The following RUNX1T1 variants were observed in gnomAD, a reference collection of about 807,000 sequenced individuals.
RUNX1T1 encodes the protein protein CBFA2T1.
Under a neutral mutation model 62.8 loss-of-function variants are expected in RUNX1T1, and 4 were observed. That is an observed-to-expected ratio of 0.06 (90% CI 0.03 to 0.15). The LOEUF (loss-of-function observed/expected upper bound fraction) is 0.15. Ranked by LOEUF, RUNX1T1 falls within the 10% of genes least tolerant of loss-of-function variation. RUNX1T1 has a pLI of 1.00. For synonymous variants in RUNX1T1, 291 were observed against 286.0 expected (o/e 1.02, Z -0.18); for missense variants, 508 against 754.3 (o/e 0.67, Z 3.82).
chr8:92,099,553 C>T, intron 1 of RUNX1T1: 2 of 856,706 alleles, frequency 2.3e-6, no homozygotes, highest in Non-Finnish European at 2.8e-6. Flanking sequence ...AATAAATAGC[C>T]TTTCTCACTG....
At chr8:91,993,722 T>C (rs543110300) in intron 5 of RUNX1T1, among the ~76,000 whole-genome samples, 1 of 152,244 alleles carries the variant, frequency 6.6e-6, no homozygotes, top group East Asian at 1.9e-4. Context: ...CCAGGTGCAG[T>C]GACTCACACC....
chr8:92,039,676 A>G (rs572000184), intron 1 of RUNX1T1, among the ~76,000 whole-genome samples: 10 of 152,326 alleles, frequency 6.6e-5, no homozygotes, highest in African/African-American at 2.4e-4. Flanking sequence ...TTAACATTTC[A>G]AAGTGAACTC....
chr8:92,062,576 G>A (rs1232012399), exon 1 of RUNX1T1: 1 of 1,614,048 alleles, frequency 6.2e-7, no homozygotes, highest in Admixed American at 1.7e-5. Context: ...GTACCACACA[G>A]AAAGTGGCTG....
intron 1 of RUNX1T1, among the ~76,000 whole-genome samples, chr8:92,055,313 C>T (rs1388718434): frequency 1.3e-5 from 2 of 152,156 alleles, no homozygotes; most frequent in African/African-American, 4.8e-5. Flanking sequence ...ACAATGTCAA[C>T]AACAGGTAAC....
At chr8:92,047,777 A>G (rs1829635980) in intron 1 of RUNX1T1, among the ~76,000 whole-genome samples, 1 of 151,798 alleles carries the variant, frequency 6.6e-6, no homozygotes, top group African/African-American at 2.4e-5. Context: ...GATACAAAGG[A>G]AGAAAAGACA....
At chr8:92,032,350 G>A (rs756374338) in intron 1 of RUNX1T1, among the ~76,000 whole-genome samples, 15 of 151,860 alleles carry the variant, frequency 9.9e-5, no homozygotes, top group Non-Finnish European at 7.4e-5. Context: ...AAATAAACCC[G>A]TCTCATGCCA....
chr8:92,098,586 T>C (rs921825340), intron 1 of RUNX1T1, among the ~76,000 whole-genome samples: 1 of 152,214 alleles, frequency 6.6e-6, no homozygotes, highest in Non-Finnish European at 1.5e-5. Flanking sequence ...GTCTTTTTTT[T>C]AATATCAAAG....
intron 2 of RUNX1T1, 111 bp downstream of exon 2, chr8:92,075,854 A>G (rs934064310): frequency 4.1e-6 from 4 of 981,042 alleles, no homozygotes; most frequent in Non-Finnish European, 5.9e-6. Flanking sequence ...CAGGCACTAG[A>G]AGAAGGAAGA....
chr8:92,095,809 C>T (rs1837700637), intron 1 of RUNX1T1, among the ~76,000 whole-genome samples: 1 of 152,108 alleles, frequency 6.6e-6, no homozygotes, highest in African/African-American at 2.4e-5. Flanking sequence ...TCTGCCCCTA[C>T]CACCCAAAGA....
intron 4 of RUNX1T1, among the ~76,000 whole-genome samples, chr8:92,007,554 C>T (rs1448770178): frequency 3.3e-5 from 5 of 151,980 alleles, no homozygotes; most frequent in South Asian, 2.1e-4. Context: ...TACATGATTT[C>T]GTCACGCAAA....
chr8:91,967,139 C>T (rs763604533), intron 10 of RUNX1T1, among the ~76,000 whole-genome samples: 10 of 152,082 alleles, frequency 6.6e-5, no homozygotes, highest in Admixed American at 1.3e-4. Flanking sequence ...GAGAAGTAAA[C>T]GAGCTAAAGT....
chr8:91,970,138 G>C (rs545605783), intron 10 of RUNX1T1, among the ~76,000 whole-genome samples: 1 of 151,772 alleles, frequency 6.6e-6, no homozygotes. Flanking sequence ...ACCATCATAT[G>C]GGTTACCACA....
At chr8:92,017,396 C>T (rs778830579) in intron 1 of RUNX1T1, 33 bp from the exon 3 acceptor site, 17 of 1,613,846 alleles carry the variant, frequency 1.1e-5, no homozygotes, top group Non-Finnish European at 1.4e-5. Context: ...TATTATTTTA[C>T]TCCTTAAGCA....
At chr8:92,053,617 T>C (rs1830565709) in intron 1 of RUNX1T1, among the ~76,000 whole-genome samples, 1 of 152,210 alleles carries the variant, frequency 6.6e-6, no homozygotes, top group Admixed American at 6.5e-5. Flanking sequence ...TATATGTATT[T>C]TCCTTAACTC....
upstream of RUNX1T1, chr8:92,103,137 C>G: frequency 2.6e-6 from 1 of 389,266 alleles, no homozygotes. Context: ...CCACGCAGAG[C>G]CCAAGACTTG....
chr8:91,980,614 T>A (rs905953874), intron 8 of RUNX1T1, among the ~76,000 whole-genome samples: 1 of 152,208 alleles, frequency 6.6e-6, no homozygotes, highest in Non-Finnish European at 1.5e-5. Context: ...AAGGAAAAAC[T>A]TTACTAGTTT....
intron 1 of RUNX1T1, among the ~76,000 whole-genome samples, chr8:92,080,173 A>G (rs1835026537): frequency 6.6e-6 from 1 of 152,122 alleles, no homozygotes; most frequent in Non-Finnish European, 1.5e-5. Context: ...TGGACTAGGA[A>G]CCTAGTTGTA....
At chr8:92,077,772 T>A (rs1216875718) in intron 1 of RUNX1T1, among the ~76,000 whole-genome samples, 2 of 152,098 alleles carry the variant, frequency 1.3e-5, no homozygotes, top group East Asian at 3.9e-4. Context: ...GCAAAGCATA[T>A]ACAAATCCTC....
At position 91,959,484 on chromosome 8, in the gene RUNX1T1, GTGTGTA is replaced by G. The variant is rs1563591861; in HGVS notation, c.*752_*757del. 1,165 of 162,932 alleles carry G rather than the reference GTGTGTA, an allele frequency of 7.2e-3. 35 individuals are homozygous for G. Among genetic ancestry groups the G allele is most frequent in the African/African-American group, 0.023 (819 of 35,458 alleles). 10.1% of individuals were successfully genotyped at this position (162,932 alleles called of 1,614,324 possible). On this transcript the variant is annotated 3_prime_UTR_variant, in exon 11 of 11. Coordinates refer to ENST00000396218, the Ensembl canonical transcript of RUNX1T1. The stretch of plus-strand genomic sequence containing the variant: ...TGTGTGTGTATATGTGCGTGTGTGT[GTGTGTA>G]TATATATATATATATATATATATAT...
Sources: allele counts gnomAD v4.1 joint callset (sites outside exome capture counted in the v4.1 genomes callset), GRCh38; gene constraint gnomAD v4.1.1; transcripts MANE v1.5; gene names NCBI Gene and HGNC (gene_info 2026-07-23, HGNC 2026-07-21).